The following CCM2 variants were observed in gnomAD, a reference collection of about 807,000 sequenced individuals.
CCM2 encodes the protein CCM2 scaffold protein.
Under a neutral mutation model 44.9 loss-of-function variants are expected in CCM2, and 25 were observed. The ratio of observed to expected loss-of-function variants is 0.56; its 90% CI spans 0.41 to 0.78. The LOEUF is 0.78. CCM2 is among the 30% of genes least tolerant of loss of function. The pLI, the probability that CCM2 is intolerant of heterozygous loss-of-function variation, is 0.00. For missense variants in CCM2, 481 were observed against 580.6 expected (o/e 0.83, Z 1.76); for synonymous variants, 219 against 241.1 (o/e 0.91, Z 0.85).
intron 2 of CCM2, among the ~76,000 whole-genome samples, chr7:45,063,420 T>C (rs532765567): frequency 5.8e-4 from 89 of 152,360 alleles, no homozygotes; most frequent in African/African-American, 2.1e-3. Flanking sequence ...ATGTGGGGAC[T>C]AAGTTTCCAG....
intron 2 of CCM2, among the ~76,000 whole-genome samples, chr7:45,052,816 C>T (rs569547458): frequency 1.4e-3 from 208 of 152,314 alleles, no homozygotes; most frequent in African/African-American, 4.9e-3. Flanking sequence ...TTAATCTCTG[C>T]TTTTCCCACT....
intron 1 of CCM2, among the ~76,000 whole-genome samples, chr7:45,010,580 C>T (rs978143301): frequency 3.3e-5 from 5 of 151,832 alleles, no homozygotes; most frequent in Admixed American, 3.3e-4. Context: ...GATTTAGTTT[C>T]TTTCTAGTTT....
chr7:45,024,429 T>G (rs1408072783), intron 1 of CCM2, among the ~76,000 whole-genome samples: 1 of 151,138 alleles, frequency 6.6e-6, no homozygotes, highest in Non-Finnish European at 1.5e-5. Context: ...GATTTTCCTT[T>G]GTTTGCTTGC....
At chr7:45,002,108 G>A (rs1433607245) in intron 1 of CCM2, among the ~76,000 whole-genome samples, 3 of 152,202 alleles carry the variant, frequency 2.0e-5, no homozygotes, top group African/African-American at 7.2e-5. Flanking sequence ...CACATTCAAT[G>A]TGAGATCACC....
At chr7:45,029,276 A>G (rs1263548242) in intron 1 of CCM2, among the ~76,000 whole-genome samples, 1 of 152,200 alleles carries the variant, frequency 6.6e-6, no homozygotes, top group Non-Finnish European at 1.5e-5. Flanking sequence ...ATAATACTTT[A>G]AACATCTTTG....
chr7:45,070,181 G>A (rs1271522916), intron 6 of CCM2: 18 of 595,340 alleles, frequency 3.0e-5, no homozygotes, highest in Admixed American at 2.7e-4. Flanking sequence ...CAGCGCTATG[G>A]CTTCCTGGAA....
In CCM2 at chr7:45,038,415, A is replaced by G. The variant is rs1362603054; in HGVS notation, c.193A>G (p.Lys65Glu). Residue 65 changes from lysine (K) to glutamate (E), a missense_variant, in exon 2 of 10, where the codon AAG (lysine) becomes GAG (glutamate). Transcript: ENST00000258781. ...CAGACTGCTGAGCGACTATATTGAG[A>G]AGGAGGTAAAGGTAAGTCGTCATGG... ...PDRLLSDYIE[K>E]EVKYLGQLTS... The G allele has an allele frequency of 4.3e-6, 7 of 1,613,982 alleles. No homozygotes were observed. The highest frequency in any genetic ancestry group is 5.1e-6 in the Non-Finnish European group (6 of 1,180,018).
At chr7:45,031,546 T>C (rs1364571794) in intron 1 of CCM2, among the ~76,000 whole-genome samples, 1 of 151,902 alleles carries the variant, frequency 6.6e-6, no homozygotes, top group Non-Finnish European at 1.5e-5. Flanking sequence ...GCTCAGCTTT[T>C]TTCTTTTTAA....
chr7:45,040,114 G>A (rs62458103), intron 2 of CCM2, among the ~76,000 whole-genome samples: 2 of 152,032 alleles, frequency 1.3e-5, no homozygotes, highest in African/African-American at 4.8e-5. Context: ...AAAAAAAAAG[G>A]CCAGGTGCTG....
intron 2 of CCM2, among the ~76,000 whole-genome samples, chr7:45,052,492 G>A (rs750648538): frequency 2.6e-5 from 4 of 152,190 alleles, no homozygotes; most frequent in African/African-American, 9.7e-5. Context: ...AAGTGTTTAG[G>A]TTTGGGCCAC....
At chr7:45,011,262 T>C (rs922636585) in intron 1 of CCM2, among the ~76,000 whole-genome samples, 3 of 151,872 alleles carry the variant, frequency 2.0e-5, no homozygotes, top group African/African-American at 7.3e-5. Flanking sequence ...AATGGTGCGA[T>C]CTCAGCTCAC....
chr7:45,003,200 C>T (rs977328767), intron 1 of CCM2, among the ~76,000 whole-genome samples: 2 of 152,094 alleles, frequency 1.3e-5, no homozygotes, highest in African/African-American at 2.4e-5. Context: ...CTCAGCCTCC[C>T]GAGTAGCTGG....
intron 1 of CCM2, among the ~76,000 whole-genome samples, chr7:45,011,585 T>A (rs1796069436): frequency 6.6e-6 from 1 of 151,896 alleles, no homozygotes; most frequent in Non-Finnish European, 1.5e-5. Flanking sequence ...GGAGTCTCAC[T>A]CTGTTGCCCA....
chr7:45,060,040 T>G (rs1309917335), intron 2 of CCM2, among the ~76,000 whole-genome samples: 11 of 152,238 alleles, frequency 7.2e-5, no homozygotes, highest in Non-Finnish European at 8.8e-5. Context: ...TACCTACATT[T>G]ATTTCTTCTC....
intron 5 of CCM2, among the ~76,000 whole-genome samples, chr7:45,069,093 C>T (rs568523462): frequency 6.6e-6 from 1 of 152,348 alleles, no homozygotes; most frequent in African/African-American, 2.4e-5. Context: ...GATTTGGGGC[C>T]CCCTCAGCCA....
At chr7:45,069,462 T>TACTGATG in intron 5 of CCM2, among the ~76,000 whole-genome samples, 1 of 152,264 alleles carries the variant, frequency 6.6e-6, no homozygotes, top group South Asian at 2.1e-4. Flanking sequence ...TGGGCTGTGA[T>TACTGATG]ACTGATGGTA....
chr7:45,074,321 C>T lies in CCM2; in HGVS notation c.967C>T (p.His323Tyr). The change falls in exon 9 of 10, where the codon CAC (histidine) becomes TAC (tyrosine). Residue 323 changes from histidine (H) to tyrosine (Y), a missense_variant. Coordinates refer to ENST00000258781, the MANE Select transcript of CCM2 (RefSeq NM_031443.4). The stretch of plus-strand genomic sequence containing the variant: ...GATCCAGCAGTTTGCAGCACTGCTG[C>T]ACGAGTACCGCAATGGGGCCTCTAT... Reference protein sequence around the residue: ...QEIQQFAALLHEYRNGASIHE... With the variant: ...QEIQQFAALLYEYRNGASIHE... 1 of 1,613,788 alleles carries T rather than the reference C, an allele frequency of 6.2e-7. No individual in the cohort carries two copies. The highest frequency in any genetic ancestry group is 8.5e-7 in the Non-Finnish European group (1 of 1,180,024).
intron 2 of CCM2, among the ~76,000 whole-genome samples, chr7:45,051,408 T>G (rs1012437334): frequency 7.3e-6 from 1 of 136,558 alleles, no homozygotes; most frequent in South Asian, 2.3e-4. Flanking sequence ...TTTATTTATT[T>G]ATTTATTGAG....
In CCM2 at chr7:45,075,958, G is replaced by A. The variant is rs887304366; in HGVS notation, c.1236G>A (p.Arg412=). The change falls in exon 10 of 10, where the codon CGG becomes CGA. Residue 412 remains arginine, a synonymous_variant. Coordinates refer to ENST00000258781, the MANE Select transcript of CCM2 (RefSeq NM_031443.4). ...GGGCCACGGGCAGCTCTGATGACCG[G>A]TCGGCACCCTCAGAGGGGGATGAGT... ...GNRATGSSDD[R]SAPSEGDEWD... is the part of the protein sequence containing the mutation. 2.5e-6 allele frequency: 4 copies of A among 1,613,078 alleles called. No homozygotes were observed. Among genetic ancestry groups the A allele is most frequent in the Middle Eastern group, 1.6e-4 (1 of 6,084 alleles).
Sources: gnomAD v4.1 joint callset for allele counts (sites outside exome capture counted in the v4.1 genomes callset) on GRCh38, gnomAD v4.1.1 for gene constraint, MANE v1.5 for transcripts, NCBI Gene and HGNC (gene_info 2026-07-23, HGNC 2026-07-21) for gene names.